The following SHPRH variants were observed in gnomAD, a reference collection of about 807,000 sequenced individuals.
SHPRH encodes the protein E3 ubiquitin-protein ligase SHPRH.
A neutral mutation model predicts 202.5 loss-of-function variants in SHPRH; 106 were observed. The observed-to-expected ratio is 0.52, with a 90% CI of 0.45 to 0.62. SHPRH has a LOEUF of 0.62. Ranked by LOEUF, SHPRH falls within the 20% of genes least tolerant of loss-of-function variation. SHPRH has a pLI of 0.00. For missense variants in SHPRH, 1,710 were observed against 2,020.0 expected (o/e 0.85, Z 2.94); for synonymous variants, 729 against 686.0 (o/e 1.06, Z -0.98).
Position 145,886,472 on chromosome 6 carries a change from G to A in SHPRH, c.*219C>T, listed in dbSNP as rs1781016677. ...GGGACAAAAAATAAATGTTTTATTA[G>A]GAGTGTAAAATTAAGAATCTTTATA... On this transcript the variant is annotated 3_prime_UTR_variant, in exon 30 of 30. Transcript: ENST00000275233. 1 of 877,626 alleles carries A rather than the reference G, an allele frequency of 1.1e-6. No homozygotes were observed. Among genetic ancestry groups the A allele is most frequent in the South Asian group, 1.4e-5 (1 of 71,096 alleles). The allele number at this position is 877,626 out of a possible 1,614,324, so 54.4% of individuals were successfully genotyped here.
At chr6:145,949,053 T>A (rs1787702901) in intron 4 of SHPRH, among the ~76,000 whole-genome samples, 1 of 152,024 alleles carries the variant, frequency 6.6e-6, no homozygotes, top group Non-Finnish European at 1.5e-5. Context: ...CATTAAAAAT[T>A]CAAAAAACTA....
intron 25 of SHPRH, among the ~76,000 whole-genome samples, chr6:145,900,619 T>C (rs959641146): frequency 1.3e-5 from 2 of 152,100 alleles, no homozygotes; most frequent in South Asian, 2.1e-4. Context: ...TGTATACCAT[T>C]GTCCCTTGGT....
intron 1 of SHPRH, among the ~76,000 whole-genome samples, chr6:145,956,285 A>T (rs1302735742): frequency 6.6e-6 from 1 of 152,112 alleles, no homozygotes; most frequent in Admixed American, 6.6e-5. Context: ...TCCAACTTCT[A>T]TAAAAACCAT....
At chr6:145,962,199 G>C (rs756761798) in intron 1 of SHPRH, among the ~76,000 whole-genome samples, 1 of 152,182 alleles carries the variant, frequency 6.6e-6, no homozygotes, top group Non-Finnish European at 1.5e-5. Flanking sequence ...TAGAGAAGCT[G>C]AGTTAAGGGC....
At chr6:145,943,062 A>C in intron 9 of SHPRH, 81 bp downstream of exon 9, 1 of 1,463,460 alleles carries the variant, frequency 6.8e-7, no homozygotes, top group Non-Finnish European at 9.2e-7. Context: ...GATAAACCAC[A>C]AAGAAACAAA....
intron 25 of SHPRH, among the ~76,000 whole-genome samples, chr6:145,895,502 C>T (rs546875690): frequency 1.9e-4 from 28 of 149,634 alleles, no homozygotes; most frequent in African/African-American, 6.3e-4. Context: ...TAGAATGAGG[C>T]AGATTCATAC....
Position 145,914,163 on chromosome 6 carries a change from T to C in SHPRH, c.4255-614A>G, listed in dbSNP as rs1783740409. ...CAGGTGATTTGGGGATGGGCTGAGT[T>C]GGCTGGGGTTGGATGGTCTATGATG... On this transcript the variant is annotated intron_variant, in intron 23 of 29. Coordinates refer to ENST00000275233, the MANE Select transcript of SHPRH (RefSeq NM_001042683.3). 2.6e-5 allele frequency among the ~76,000 whole-genome samples: 4 copies of C among 152,188 alleles called. No individual in the cohort carries two copies. In the South Asian group the frequency reaches 6.2e-4, roughly 24 times the overall value.
chr6:145,867,621 T>TAGAGAGAG (rs1228047772), intron 2 of SHPRH, among the ~76,000 whole-genome samples: 3 of 70,010 alleles, frequency 4.3e-5, no homozygotes, highest in African/African-American at 7.0e-5. Flanking sequence ...TATATATATA[T>TAGAGAGAG]ATATATATAT....
At chr6:145,922,504 G>A (rs551027978) in intron 19 of SHPRH, among the ~76,000 whole-genome samples, 156 bp from the exon 20 acceptor site, 13 of 151,918 alleles carry the variant, frequency 8.6e-5, no homozygotes, top group African/African-American at 2.9e-4. Context: ...TTGTCCTTGA[G>A]ACTTTATTTT....
At position 145,873,194 on chromosome 6, in the gene SHPRH, A is replaced by AT. The variant is rs927101360; in HGVS notation, c.222-8704dup. Among the ~76,000 whole-genome samples the AT allele has an allele frequency of 1.9e-4, 29 of 152,252 alleles. No homozygotes were observed. The South Asian group carries it at 2.7e-3, about 14-fold the overall frequency. On this transcript the variant is annotated intron_variant, in intron 2 of 2. Coordinates refer to the SHPRH transcript ENST00000417762. ...CCTGAACTTAAAATAAAAGTTGGAAATAAAAAAAAAAGAGTGATTATGTCA... is the reference window on the plus strand; with the variant it reads ...CCTGAACTTAAAATAAAAGTTGGAAATTAAAAAAAAAAGAGTGATTATGTCA...
intron 28 of SHPRH, among the ~76,000 whole-genome samples, chr6:145,890,074 A>G (rs1781447897): frequency 6.6e-6 from 1 of 152,110 alleles, no homozygotes; most frequent in Non-Finnish European, 1.5e-5. Flanking sequence ...TAATTCTCCC[A>G]TTTGAAAGGA....
At chr6:145,906,463 A>G (rs949105286) in intron 25 of SHPRH, 2 of 152,090 alleles carry the variant, frequency 1.3e-5, no homozygotes, top group Non-Finnish European at 2.9e-5. Context: ...TTTTGTGCTC[A>G]ATAGCCCAAT....
In SHPRH at chr6:145,941,812, T is replaced by C. The variant is rs984228894; in HGVS notation, c.2301A>G (p.Ile767Met). 3 of 1,614,000 alleles carry C rather than the reference T, an allele frequency of 1.9e-6. No individual in the cohort carries two copies. Among genetic ancestry groups the C allele is most frequent in the Non-Finnish European group, 2.5e-6 (3 of 1,179,952 alleles). ...GCAGTACATCATAGGTAATGATAAC[T>C]ATATCCTGTTCTGCCAAAAAATGAG... ...LQPHFLAEQDIVIITYDVLRS... is the reference protein window; with the variant it reads ...LQPHFLAEQDMVIITYDVLRS... The change falls in exon 10 of 30, where the codon ATA becomes ATG. Residue 767 changes from isoleucine to methionine, a missense_variant. Physicochemically the swap from Ile to Met is conservative, Grantham distance 10 (BLOSUM62 1). This residue lies in a region of SHPRH where 277 missense variants were observed against 363.0 expected (regional missense o/e 0.76). Transcript: ENST00000275233.
intron 23 of SHPRH, among the ~76,000 whole-genome samples, chr6:145,915,625 A>G (rs1253999768): frequency 1.3e-5 from 2 of 152,086 alleles, no homozygotes; most frequent in African/African-American, 4.8e-5. Flanking sequence ...CTGGTTACAT[A>G]GAGAAACTAT....
intron 14 of SHPRH, among the ~76,000 whole-genome samples, chr6:145,930,019 G>A (rs914188132): frequency 6.6e-5 from 10 of 151,998 alleles, no homozygotes; most frequent in Admixed American, 3.3e-4. Flanking sequence ...ACTGAAGTTC[G>A]GAAATCTTGA....
intron 25 of SHPRH, chr6:145,907,540 C>A (rs182811348): frequency 1.3e-5 from 2 of 152,118 alleles, no homozygotes; most frequent in Non-Finnish European, 2.9e-5. Context: ...CCTTCAACAT[C>A]TGGTCCCCTA....
Position 145,885,202 on chromosome 6 carries a change from T to A in SHPRH, c.*1489A>T, listed in dbSNP as rs1376534413. 1.3e-5 allele frequency: 2 copies of A among 152,216 alleles called. No homozygotes were observed. Among genetic ancestry groups the A allele is most frequent in the Non-Finnish European group, 2.9e-5 (2 of 68,020 alleles). 9.4% of individuals were successfully genotyped at this position (152,216 alleles called of 1,614,324 possible). A position where few individuals can be genotyped will look rare whatever the true frequency, so the allele number is the denominator to read the frequency against. On this transcript the variant is annotated 3_prime_UTR_variant, in exon 30 of 30. Transcript: ENST00000275233. Reference sequence around the variant, plus strand: ...TATTAATTATATCAACTTCACAAGATTGTTGGGTAAATTAAACACGTAAAT... The same window carrying A: ...TATTAATTATATCAACTTCACAAGAATGTTGGGTAAATTAAACACGTAAAT...
chr6:145,862,910 C>T (rs1779631412), downstream of SHPRH, among the ~76,000 whole-genome samples: 1 of 152,156 alleles, frequency 6.6e-6, no homozygotes, highest in African/African-American at 2.4e-5. Flanking sequence ...ACTAGGTAGG[C>T]ACGATGTATT....
At chr6:145,884,397 T>G (rs1442795421), downstream of SHPRH, 1 of 152,190 alleles carries the variant, frequency 6.6e-6, no homozygotes, top group African/African-American at 2.4e-5. Flanking sequence ...TTAGTTCTAG[T>G]GAACTCATCT....
Sources: gnomAD v4.1 joint callset for allele counts (sites outside exome capture counted in the v4.1 genomes callset) on GRCh38, gnomAD v4.1.1 for gene constraint, gnomAD v4.1.1 regional missense constraint, MANE v1.5 for transcripts, NCBI Gene and HGNC (gene_info 2026-07-23, HGNC 2026-07-21) for gene names.